PRDM5: variants seen among roughly 807,000 people sequenced by gnomAD.
PRDM5 encodes PR domain zinc finger protein 5.
Under a neutral mutation model 81.2 loss-of-function variants are expected in PRDM5, and 56 were observed. The ratio of observed to expected loss-of-function variants is 0.69; its 90% CI spans 0.56 to 0.86. PRDM5 has a LOEUF of 0.86. PRDM5 is among the 40% of genes least tolerant of loss of function. The pLI is 0.00. For missense variants in PRDM5, 697 were observed against 770.1 expected (o/e 0.91, Z 1.12); for synonymous variants, 267 against 256.4 (o/e 1.04, Z -0.39).
At chr4:120,824,976 T>C (rs1755770561) in intron 3 of PRDM5, among the ~76,000 whole-genome samples, 1 of 152,192 alleles carries the variant, frequency 6.6e-6, no homozygotes, top group Admixed American at 6.5e-5. Flanking sequence ...ATTTATTTTA[T>C]TTATTACTTT....
chr4:120,720,179 A>G lies in PRDM5; in HGVS notation c.1624-9766T>C, dbSNP rs574179373. On this transcript the variant is annotated intron_variant, in intron 14 of 15. Transcript: ENST00000264808. The stretch of plus-strand genomic sequence containing the variant: ...ATAGGGTATGTGTATAACTGGGCCA[A>G]CATCTGTACTTCATATGGCAATCCC... Among the ~76,000 whole-genome samples, 290 of 152,284 alleles carry G rather than the reference A, an allele frequency of 1.9e-3. 1 individual carries two copies. The highest frequency in any genetic ancestry group is 6.8e-3 in the Middle Eastern group (2 of 294).
chr4:120,773,160 GTT>G (rs1277948161), intron 13 of PRDM5, among the ~76,000 whole-genome samples: 1 of 152,090 alleles, frequency 6.6e-6, no homozygotes, highest in Non-Finnish European at 1.5e-5. Context: ...TGACCTGGCA[GTT>G]TTTTTCATGA....
Position 120,858,605 on chromosome 4 carries a change from A to C in PRDM5, c.178-5065T>G, listed in dbSNP as rs376079968. The stretch of plus-strand genomic sequence containing the variant: ...CGCGCACGCACGCACACACACACAC[A>C]CCATTGTAGCTTATCTACTTATAAC... On this transcript the variant is annotated intron_variant, in intron 2 of 15. Coordinates refer to ENST00000264808, the MANE Select transcript of PRDM5 (RefSeq NM_018699.4). Among the ~76,000 whole-genome samples, 12 of 152,050 alleles carry C rather than the reference A, an allele frequency of 7.9e-5. 1 individual carries two copies. The highest frequency in any genetic ancestry group is 3.9e-4 in the East Asian group (2 of 5,148).
chr4:120,832,351 TCCCCATGATTC>T (rs901733426), intron 3 of PRDM5, among the ~76,000 whole-genome samples: 2 of 151,976 alleles, frequency 1.3e-5, no homozygotes, highest in African/African-American at 4.8e-5. Context: ...GGGGAAACTG[TCCCCATGATTC>T]AATTATCTCT....
chr4:120,717,213 T>C (rs1391726364), intron 14 of PRDM5, among the ~76,000 whole-genome samples: 2 of 152,230 alleles, frequency 1.3e-5, no homozygotes, highest in African/African-American at 4.8e-5. Flanking sequence ...TTACATAGTT[T>C]AACTGACAAA....
In PRDM5 at chr4:120,922,706, A is replaced by G; in HGVS notation, c.-98T>C. On this transcript the variant is annotated 5_prime_UTR_variant, in exon 1 of 16. Coordinates refer to ENST00000264808, the MANE Select transcript of PRDM5 (RefSeq NM_018699.4). The stretch of plus-strand genomic sequence containing the variant: ...TGGGGTGCCAGGGTAGAGGGGAGAA[A>G]CCGGCAGGGAAGGAGGAAATGGAGT... 6.8e-7 allele frequency: 1 copy of G among 1,464,962 alleles called. No homozygotes were observed. Among genetic ancestry groups the G allele is most frequent in the Admixed American group, 2.0e-5 (1 of 49,990 alleles). The allele number at this position is 1,464,962 out of a possible 1,614,324, so 90.7% of individuals were successfully genotyped here.
chr4:120,817,398 A>G (rs1379904869), intron 5 of PRDM5, among the ~76,000 whole-genome samples: 1 of 152,164 alleles, frequency 6.6e-6, no homozygotes, highest in African/African-American at 2.4e-5. Context: ...ACAAAAATGT[A>G]AAAATGTAAC....
Position 120,765,854 on chromosome 4 carries a change from T to C in PRDM5, c.1538-11216A>G, listed in dbSNP as rs1398742879. Among the ~76,000 whole-genome samples, 5 of 152,036 alleles carry C rather than the reference T, an allele frequency of 3.3e-5. No individual in the cohort carries two copies. In the East Asian group the frequency reaches 5.8e-4, roughly 18 times the overall value. ...AACACATCAGCAATGTTAGCAGCAA[T>C]AGCTCACAGTATCACATGCTTACAT... On this transcript the variant is annotated intron_variant, in intron 13 of 15. Transcript: ENST00000264808.
chr4:120,867,853 G>C (rs2148524511), intron 2 of PRDM5, among the ~76,000 whole-genome samples: 2 of 152,246 alleles, frequency 1.3e-5, no homozygotes, highest in Non-Finnish European at 2.9e-5. Context: ...AGAAAAACTT[G>C]GCCTGAGCAC....
intron 14 of PRDM5, among the ~76,000 whole-genome samples, chr4:120,727,919 G>A (rs1739674871): frequency 6.7e-6 from 1 of 150,086 alleles, no homozygotes; most frequent in Admixed American, 6.7e-5. Context: ...CTGGGTGACA[G>A]AGTGAGACTC....
intron 14 of PRDM5, among the ~76,000 whole-genome samples, chr4:120,723,149 C>T (rs1029602778): frequency 6.6e-6 from 1 of 152,068 alleles, no homozygotes; most frequent in Admixed American, 6.5e-5. Flanking sequence ...ATAGCACTGA[C>T]AATGAACGAA....
At chr4:120,716,432 A>G (rs2149044234) in intron 14 of PRDM5, among the ~76,000 whole-genome samples, 1 of 152,282 alleles carries the variant, frequency 6.6e-6, no homozygotes, top group African/African-American at 2.4e-5. Context: ...GAACCATTTA[A>G]AGCCAGGGAG....
intron 3 of PRDM5, chr4:120,837,777 T>G (rs1561442013): frequency 6.6e-6 from 1 of 152,162 alleles, no homozygotes; most frequent in Non-Finnish European, 1.5e-5. Flanking sequence ...TAGGGTTAAC[T>G]CACAGCAAGA....
chr4:120,881,678 T>A (rs1015423410), intron 2 of PRDM5, among the ~76,000 whole-genome samples: 1 of 152,210 alleles, frequency 6.6e-6, no homozygotes, highest in African/African-American at 2.4e-5. Flanking sequence ...TCTTTGTACA[T>A]CTTGAAAACC....
At chr4:120,687,287 C>T (rs1230768660), downstream of PRDM5, among the ~76,000 whole-genome samples, 1 of 151,992 alleles carries the variant, frequency 6.6e-6, no homozygotes, top group Non-Finnish European at 1.5e-5. Flanking sequence ...CATTTAACAA[C>T]TCTTATTTTC....
Position 120,798,404 on chromosome 4 carries a change from C to T in PRDM5, c.1051G>A (p.Glu351Lys), listed in dbSNP as rs762388957. The T allele has an allele frequency of 1.9e-5, 30 of 1,609,900 alleles. No homozygotes were observed. Among genetic ancestry groups the T allele is most frequent in the East Asian group, 4.5e-5 (2 of 44,754 alleles). ...THSEKRPYNC[E>K]ICNKSFKRLD... ...CTCTTGAAAGACTTATTACAAATCT[C>T]GCAATTATAGGGTCGTTTTTCTATT... Residue 351 changes from glutamate (E) to lysine (K), a missense_variant, in exon 10 of 16, where the codon GAG becomes AAG. By Grantham distance (56) the Glu-to-Lys change is moderately conservative. Around this residue, in one of 3 missense-constraint regions of PRDM5, gnomAD observed 577 missense variants for 606.7 expected, o/e 0.95. Transcript: ENST00000264808.
chr4:120,690,494 T>C (rs919236848), downstream of PRDM5, among the ~76,000 whole-genome samples: 2 of 152,110 alleles, frequency 1.3e-5, no homozygotes, highest in African/African-American at 4.8e-5. Context: ...TTAACATCAG[T>C]TCATTTAAAA....
At chr4:120,873,501 T>G (rs980593486) in intron 2 of PRDM5, among the ~76,000 whole-genome samples, 3 of 152,206 alleles carry the variant, frequency 2.0e-5, no homozygotes, top group Admixed American at 6.5e-5. Flanking sequence ...CCATCAGTAC[T>G]TCAAAGTTTA....
downstream of PRDM5, among the ~76,000 whole-genome samples, chr4:120,687,687 T>C (rs1285989453): frequency 6.6e-6 from 1 of 152,174 alleles, no homozygotes; most frequent in African/African-American, 2.4e-5. Context: ...TAGTTGCCAT[T>C]GTAACAGTAT....
Sources: allele counts gnomAD v4.1 joint callset (sites outside exome capture counted in the v4.1 genomes callset), GRCh38; gene constraint gnomAD v4.1.1; regional missense constraint gnomAD v4.1.1; transcripts MANE v1.5; gene names NCBI Gene and HGNC (gene_info 2026-07-23, HGNC 2026-07-21).